Variants in CSMD1 observed in about 807,000 individuals in gnomAD.
CSMD1 encodes CUB and Sushi multiple domains 1.
Under a neutral mutation model 417.5 loss-of-function variants are expected in CSMD1, and 213 were observed. The ratio of observed to expected loss-of-function variants is 0.51; its 90% CI spans 0.46 to 0.57. The LOEUF is 0.57. Ranked by LOEUF, CSMD1 falls within the 20% of genes least tolerant of loss-of-function variation. The probability of loss-of-function intolerance (pLI) is 0.00; values close to 1 mark genes in which losing one functional copy is unlikely to be tolerated. For synonymous variants in CSMD1, 2,862 were observed against 1,736.8 expected (o/e 1.65, Z -16.11); for missense variants, 6,923 against 4,529.7 (o/e 1.53, Z -15.17).
intron 40 of CSMD1, among the ~76,000 whole-genome samples, chr8:3,148,306 A>G (rs777633348): frequency 6.6e-6 from 1 of 152,172 alleles, no homozygotes; most frequent in Non-Finnish European, 1.5e-5. Context: ...TACTTCCTCA[A>G]AATTTCCAAG....
chr8:4,099,267 T>C (rs986843917), intron 3 of CSMD1, among the ~76,000 whole-genome samples: 1 of 151,934 alleles, frequency 6.6e-6, no homozygotes, highest in African/African-American at 2.4e-5. Flanking sequence ...CTTTGTTCTG[T>C]TACTTTCATC....
intron 12 of CSMD1, among the ~76,000 whole-genome samples, chr8:3,414,951 T>A (rs979030637): frequency 8.5e-5 from 13 of 152,178 alleles, no homozygotes; most frequent in African/African-American, 2.9e-4. Context: ...TCACTCTGCA[T>A]TATATGTACT....
At chr8:4,937,170 G>T (rs1465551324) in intron 1 of CSMD1, among the ~76,000 whole-genome samples, 3 of 152,124 alleles carry the variant, frequency 2.0e-5, no homozygotes, top group East Asian at 3.9e-4. Flanking sequence ...CTCTGATCCT[G>T]AGACTGCATT....
chr8:4,054,048 G>A (rs907703287), intron 3 of CSMD1, among the ~76,000 whole-genome samples: 2 of 152,276 alleles, frequency 1.3e-5, no homozygotes, highest in Non-Finnish European at 2.9e-5. Context: ...GAAGTTCACT[G>A]AGAGCCAAAT....
At chr8:3,586,079 A>C in intron 9 of CSMD1, 57 bp downstream of exon 9, 1 of 1,561,070 alleles carries the variant, frequency 6.4e-7, no homozygotes, top group African/African-American at 1.4e-5. Context: ...ATATTCATAA[A>C]AATGCCAACC....
chr8:3,387,612 G>T lies in CSMD1; in HGVS notation c.2664C>A (p.Asp888Glu), dbSNP rs376665369. Residue 888 changes from aspartate (D) to glutamate (E), a missense_variant, in exon 18 of 70, where the codon GAC (aspartate) becomes GAA (glutamate). By Grantham distance (45) the Asp-to-Glu change is conservative. Transcript: ENST00000635120. ...AAGTCACTGTGGACCTGATGCCAAA[G>T]TCTCCACCGTGGCGATGGCCGTTCA... ...IPVNGHRHGG[D>E]FGIRSTVTFS... is the part of the protein sequence containing the mutation. 11 of 1,601,508 alleles carry T rather than the reference G, an allele frequency of 6.9e-6. No individual in the cohort carries two copies. The highest frequency in any genetic ancestry group is 1.3e-5 in the African/African-American group (1 of 74,662).
intron 25 of CSMD1, among the ~76,000 whole-genome samples, chr8:3,289,518 C>A (rs555736896): frequency 6.9e-6 from 1 of 143,976 alleles, no homozygotes; most frequent in Non-Finnish European, 1.5e-5. Context: ...GATCGCCATT[C>A]TAACTGGTGT....
rs77832641 is a variant in CSMD1, at chr8:4,041,627, G to A, written c.416-9528C>T. On this transcript the variant is annotated intron_variant, in intron 3 of 69. Coordinates refer to ENST00000635120, the MANE Select transcript of CSMD1 (RefSeq NM_033225.6). The stretch of plus-strand genomic sequence containing the variant: ...TAATAAGCACGCAAAAAAGTAAGAA[G>A]ATATCCATAAGAAGAAGAAAACTCA... 5.2e-3 allele frequency among the ~76,000 whole-genome samples: 795 copies of A among 152,188 alleles called. 8 individuals carry two copies. Among genetic ancestry groups the A allele is most frequent in the African/African-American group, 0.019 (772 of 41,530 alleles).
At chr8:3,182,899 T>TGTGTGTGTGTGTGTGTGTGGGTGTG (rs1322714602) in intron 36 of CSMD1, 1 of 123,640 alleles carries the variant, frequency 8.1e-6, no homozygotes, top group Non-Finnish European at 1.6e-5. Flanking sequence ...TGTGTGTGTA[T>TGTGTGTGTGTGTGTGTGTGGGTGTG]TGTTAGTAGA....
intron 12 of CSMD1, among the ~76,000 whole-genome samples, chr8:3,414,239 A>AAAAT (rs71199574): frequency 1.5e-5 from 2 of 135,634 alleles, no homozygotes; most frequent in African/African-American, 5.7e-5. Context: ...AAAAAAAAAA[A>AAAAT]TGCTGTACAA....
chr8:4,244,784 T>C (rs1437395941), intron 3 of CSMD1, among the ~76,000 whole-genome samples: 2 of 152,204 alleles, frequency 1.3e-5, no homozygotes, highest in Non-Finnish European at 1.5e-5. Context: ...AGAAGGGATA[T>C]TTTATACGTA....
chr8:4,879,594 A>G (rs1229514341), intron 1 of CSMD1, among the ~76,000 whole-genome samples: 2 of 152,142 alleles, frequency 1.3e-5, no homozygotes, highest in Non-Finnish European at 2.9e-5. Flanking sequence ...GAAGAAGAAA[A>G]TAAGGAGACT....
At chr8:4,732,201 C>T (rs562578063) in intron 1 of CSMD1, among the ~76,000 whole-genome samples, 2 of 152,292 alleles carry the variant, frequency 1.3e-5, no homozygotes, top group East Asian at 3.9e-4. Flanking sequence ...GACAAGAACT[C>T]AGATGTATCA....
intron 3 of CSMD1, among the ~76,000 whole-genome samples, chr8:4,171,234 C>T (rs1797748056): frequency 6.6e-6 from 1 of 151,902 alleles, no homozygotes; most frequent in South Asian, 2.1e-4. Context: ...TCCAGCTCAA[C>T]CGTTCACTTG....
intron 5 of CSMD1, among the ~76,000 whole-genome samples, chr8:3,994,132 G>A (rs1814980902): frequency 6.6e-6 from 1 of 152,110 alleles, no homozygotes; most frequent in Non-Finnish European, 1.5e-5. Flanking sequence ...AAGAATCGAT[G>A]CATTTATATT....
chr8:4,191,491 T>A (rs1420644620), intron 3 of CSMD1, among the ~76,000 whole-genome samples: 3 of 152,200 alleles, frequency 2.0e-5, no homozygotes, highest in Non-Finnish European at 2.9e-5. Context: ...TGTTCTTACT[T>A]GTCTGCAAGA....
At chr8:4,765,933 G>A (rs1388486304) in intron 1 of CSMD1, among the ~76,000 whole-genome samples, 1 of 152,076 alleles carries the variant, frequency 6.6e-6, no homozygotes, top group Non-Finnish European at 1.5e-5. Flanking sequence ...GAAGAATCGA[G>A]CTTAGCTAAT....
intron 8 of CSMD1, among the ~76,000 whole-genome samples, chr8:3,610,072 C>T (rs1230057829): frequency 6.6e-6 from 1 of 151,900 alleles, no homozygotes; most frequent in African/African-American, 2.4e-5. Flanking sequence ...ACCCAGCCTT[C>T]CCTCCTTTTA....
chr8:3,850,240 A>G (rs1212398164), intron 5 of CSMD1, among the ~76,000 whole-genome samples: 1 of 152,238 alleles, frequency 6.6e-6, no homozygotes, highest in Non-Finnish European at 1.5e-5. Context: ...AAAGAATAAA[A>G]AACCAATAGG....
Sources: allele counts gnomAD v4.1 joint callset (sites outside exome capture counted in the v4.1 genomes callset), GRCh38; gene constraint gnomAD v4.1.1; transcripts MANE v1.5; gene names NCBI Gene and HGNC (gene_info 2026-07-23, HGNC 2026-07-21).